Variants in EPB41L4B observed in about 807,000 individuals in gnomAD.
EPB41L4B encodes band 4.1-like protein 4B.
A neutral mutation model predicts 112.5 loss-of-function variants in EPB41L4B; 30 were observed. That is an observed-to-expected ratio of 0.27 (90% CI 0.20 to 0.36). The LOEUF (loss-of-function observed/expected upper bound fraction) is 0.36. EPB41L4B is among the 10% of genes least tolerant of loss of function. The probability of loss-of-function intolerance (pLI) is 1.00; values close to 1 mark genes in which losing one functional copy is unlikely to be tolerated. For synonymous variants in EPB41L4B, 408 were observed against 439.7 expected (o/e 0.93, Z 0.90); for missense variants, 1,024 against 1,133.3 (o/e 0.90, Z 1.38).
In EPB41L4B at chr9:109,208,241, G is replaced by A. The variant is rs1197782511; in HGVS notation, c.1753-192C>T. On this transcript the variant is annotated intron_variant, in intron 17 of 25. Coordinates refer to ENST00000374566, the MANE Select transcript of EPB41L4B (RefSeq NM_019114.5). ...CTCAGGCACAGCATGTCATTCCCTC[G>A]TGAAATAGGGTGAGGACCTACCAGA... is the stretch of plus-strand genomic sequence containing the variant. 3.9e-5 allele frequency among the ~76,000 whole-genome samples: 6 copies of A among 152,118 alleles called. No individual in the cohort carries two copies. The South Asian group carries it at 6.2e-4, about 16-fold the overall frequency.
chr9:109,312,643 CA>C (rs1837460381), intron 1 of EPB41L4B, among the ~76,000 whole-genome samples: 1 of 152,142 alleles, frequency 6.6e-6, no homozygotes. Context: ...CTTTCCTCTA[CA>C]AATCAGGAAT....
At chr9:109,251,897 G>A (rs1834801201) in intron 12 of EPB41L4B, among the ~76,000 whole-genome samples, 1 of 152,228 alleles carries the variant, frequency 6.6e-6, no homozygotes, top group Admixed American at 6.5e-5. Context: ...GGGGCCTCGG[G>A]GACGCCGTGA....
At chr9:109,177,125 T>G (rs1831871685) in intron 24 of EPB41L4B, among the ~76,000 whole-genome samples, 1 of 152,208 alleles carries the variant, frequency 6.6e-6, no homozygotes, top group Non-Finnish European at 1.5e-5. Flanking sequence ...TCAGAGAGGT[T>G]AAGTAATCTG....
chr9:109,281,451 C>A (rs1272951125), intron 1 of EPB41L4B, among the ~76,000 whole-genome samples: 2 of 152,102 alleles, frequency 1.3e-5, no homozygotes, highest in African/African-American at 4.8e-5. Context: ...GCCTGTAATC[C>A]CCACAATTTG....
intron 15 of EPB41L4B, among the ~76,000 whole-genome samples, chr9:109,219,461 C>T (rs564077339): frequency 1.2e-4 from 19 of 152,186 alleles, no homozygotes; most frequent in South Asian, 1.0e-3. Context: ...CCCGGGTTCA[C>T]GCCATTCTCC....
chr9:109,275,612 C>T (rs955204598), intron 2 of EPB41L4B, among the ~76,000 whole-genome samples: 8 of 152,124 alleles, frequency 5.3e-5, no homozygotes, highest in Admixed American at 2.6e-4. Context: ...CTCACACTGC[C>T]CAGCTACAAA....
chr9:109,222,728 G>C (rs1358057847), intron 15 of EPB41L4B, among the ~76,000 whole-genome samples: 1 of 152,204 alleles, frequency 6.6e-6, no homozygotes, highest in Admixed American at 6.5e-5. Context: ...GCTGGCAGTT[G>C]AAAAGAAATC....
rs370327379 is a variant in EPB41L4B, at chr9:109,319,335, C to T, written c.306+806G>A. On this transcript the variant is annotated intron_variant, in intron 1 of 25. Coordinates refer to ENST00000374566, the MANE Select transcript of EPB41L4B (RefSeq NM_019114.5). ...GCCCGGGACGCAGGCCCAGGCGCCG[C>T]CGCCCTGAGGTGCCCCGCCGACCCC... is the stretch of plus-strand genomic sequence containing the variant. Among the ~76,000 whole-genome samples, 185 of 152,254 alleles carry T rather than the reference C, an allele frequency of 1.2e-3. 2 individuals carry two copies. The highest frequency in any genetic ancestry group is 4.2e-3 in the African/African-American group (176 of 41,558).
intron 1 of EPB41L4B, among the ~76,000 whole-genome samples, chr9:109,296,904 C>T (rs1045211775): frequency 1.1e-4 from 17 of 150,698 alleles, no homozygotes; most frequent in Admixed American, 4.6e-4. Context: ...GGGAGGTGAG[C>T]TCATGATGGC....
At chr9:109,288,321 G>C (rs762433006) in intron 1 of EPB41L4B, among the ~76,000 whole-genome samples, 1 of 152,118 alleles carries the variant, frequency 6.6e-6, no homozygotes, top group African/African-American at 2.4e-5. Flanking sequence ...GATGGCTCAC[G>C]TCTATAATCC....
chr9:109,193,479 G>A (rs1290233673), intron 21 of EPB41L4B, among the ~76,000 whole-genome samples: 1 of 152,228 alleles, frequency 6.6e-6, no homozygotes, highest in African/African-American at 2.4e-5. Context: ...AAAGGTTTTG[G>A]AAGTGAGTGC....
Position 109,232,949 on chromosome 9 carries a change from G to C in EPB41L4B, c.1409+10669C>G, listed in dbSNP as rs187971826. ...CTGATATGAATTTTAAGGGCTTAAT[G>C]GTTTAATTGCCTTTAATACAGACAG... On this transcript the variant is annotated intron_variant, in intron 15 of 25. Transcript: ENST00000374566. 3.9e-5 allele frequency among the ~76,000 whole-genome samples: 6 copies of C among 152,312 alleles called. No individual in the cohort carries two copies. The East Asian group carries it at 1.2e-3, about 29-fold the overall frequency.
At chr9:109,229,383 C>T (rs1010868107) in intron 15 of EPB41L4B, among the ~76,000 whole-genome samples, 2 of 152,328 alleles carry the variant, frequency 1.3e-5, no homozygotes, top group Middle Eastern at 3.4e-3. Context: ...ATAGGTACTA[C>T]GCCAGCTGAT....
intron 12 of EPB41L4B, among the ~76,000 whole-genome samples, chr9:109,253,184 A>T (rs1834856936): frequency 1.3e-5 from 2 of 152,160 alleles, no homozygotes. Flanking sequence ...GGTCTAAAAG[A>T]AGCAAAGAGG....
At chr9:109,226,064 C>T (rs1269471642) in intron 15 of EPB41L4B, among the ~76,000 whole-genome samples, 2 of 152,184 alleles carry the variant, frequency 1.3e-5, no homozygotes, top group Non-Finnish European at 2.9e-5. Context: ...TCACCCTTGC[C>T]CCATGAACTT....
chr9:109,296,362 G>A (rs1836729033), intron 1 of EPB41L4B, among the ~76,000 whole-genome samples: 1 of 152,186 alleles, frequency 6.6e-6, no homozygotes, highest in East Asian at 1.9e-4. Context: ...ACCTTATGAT[G>A]CAGTGCACTG....
intron 15 of EPB41L4B, among the ~76,000 whole-genome samples, chr9:109,220,912 G>A (rs1354762468): frequency 6.6e-6 from 1 of 152,132 alleles, no homozygotes; most frequent in Non-Finnish European, 1.5e-5. Flanking sequence ...GCCCCATGGA[G>A]GCAGCAAAAA....
At position 109,265,712 on chromosome 9, in the gene EPB41L4B, T is replaced by C. The variant is rs78091853; in HGVS notation, c.534-688A>G. ...TGGCTTAAATAAGAGGGGTATCTTTTGTTTGTTTTTTACCAGGAGGATGTA... is the reference window on the plus strand; with the variant it reads ...TGGCTTAAATAAGAGGGGTATCTTTCGTTTGTTTTTTACCAGGAGGATGTA... On this transcript the variant is annotated intron_variant, in intron 4 of 25. Coordinates refer to ENST00000374566, the MANE Select transcript of EPB41L4B (RefSeq NM_019114.5). Among the ~76,000 whole-genome samples the C allele has an allele frequency of 2.9e-3, 440 of 152,332 alleles. 5 individuals carry two copies. The highest frequency in any genetic ancestry group is 9.7e-3 in the African/African-American group (405 of 41,566).
intron 15 of EPB41L4B, among the ~76,000 whole-genome samples, chr9:109,236,224 G>A (rs1425949560): frequency 6.6e-6 from 1 of 152,118 alleles, no homozygotes; most frequent in Non-Finnish European, 1.5e-5. Context: ...GGAAGGGAGG[G>A]CAGAACACAC....
Sources: allele counts gnomAD v4.1 joint callset (sites outside exome capture counted in the v4.1 genomes callset), GRCh38; gene constraint gnomAD v4.1.1; transcripts MANE v1.5; gene names NCBI Gene and HGNC (gene_info 2026-07-23, HGNC 2026-07-21).